Variants in CENPE observed in about 807,000 individuals in gnomAD.
CENPE encodes the protein centromere protein E, also known as centromere-associated protein E.
A neutral mutation model predicts 336.1 loss-of-function variants in CENPE; 145 were observed. The observed-to-expected ratio is 0.43, with a 90% CI of 0.38 to 0.50. The LOEUF (loss-of-function observed/expected upper bound fraction) is 0.50, where lower values mean the gene tolerates loss of function less well. Ranked by LOEUF, CENPE falls within the 20% of genes least tolerant of loss-of-function variation. The pLI, the probability that CENPE is intolerant of heterozygous loss-of-function variation, is 0.00. For missense variants in CENPE, 2,719 were observed against 3,023.3 expected, an observed-to-expected ratio of 0.90 and a Z score of 2.36; for synonymous variants, 1,013 against 984.8, an observed-to-expected ratio of 1.03 and a Z score of -0.54.
chr4:103,160,998 TAATCATTGAA>T (rs1174756513), intron 20 of CENPE, 78 bp downstream of exon 20: 1 of 1,170,522 alleles, frequency 8.5e-7, no homozygotes, highest in Non-Finnish European at 1.2e-6. Context: ...AATGAATTTT[TAATCATTGAA>T]ATATGCTTGT....
chr4:103,124,239 G>A (rs1486873230), intron 42 of CENPE, among the ~76,000 whole-genome samples: 9 of 152,154 alleles, frequency 5.9e-5, no homozygotes, highest in Admixed American at 5.9e-4. Context: ...TGTATATGCT[G>A]AAGTTCATTA....
chr4:103,162,574 ATT>A (rs34476047), intron 18 of CENPE, among the ~76,000 whole-genome samples: 25,197 of 145,840 alleles, frequency 0.17, 2,275 homozygotes, highest in Non-Finnish European at 0.21. Flanking sequence ...AATTTTACTG[ATT>A]TTTTTTTTTT....
chr4:103,109,220 T>G, intron 47 of CENPE, 131 bp from the exon 48 acceptor site: 2 of 759,270 alleles, frequency 2.6e-6, no homozygotes, highest in Non-Finnish European at 3.8e-6. Flanking sequence ...TTTTATCACA[T>G]TTACATTTTA....
At chr4:103,169,235 T>C (rs985316028) in intron 16 of CENPE, among the ~76,000 whole-genome samples, 1 of 146,592 alleles carries the variant, frequency 6.8e-6, no homozygotes, top group African/African-American at 2.5e-5. Flanking sequence ...TTTTAAAATA[T>C]AGAGTCAGGA....
chr4:103,193,425 C>T lies in CENPE; in HGVS notation c.693+804G>A, dbSNP rs1190715528. Among the ~76,000 whole-genome samples the T allele has an allele frequency of 7.2e-5, 11 of 152,008 alleles. No individual in the cohort carries two copies. In the East Asian group the frequency reaches 9.6e-4, roughly 13 times the overall value. On this transcript the variant is annotated intron_variant, in intron 8 of 48. Transcript: ENST00000265148. The stretch of plus-strand genomic sequence containing the variant: ...TTTATAAAATCTGAAAATGAATAAA[C>T]ATATTATAGATTGCTTTTTTCCCTG...
At chr4:103,198,170 C>T in intron 1 of CENPE, 94 bp downstream of exon 1, 1 of 1,236,676 alleles carries the variant, frequency 8.1e-7, no homozygotes, top group South Asian at 1.4e-5. Flanking sequence ...AGCCGGGAAG[C>T]AGCGGCTCCT....
intron 31 of CENPE, 83 bp from the exon 32 acceptor site, chr4:103,145,417 G>A (rs1001197837): frequency 3.2e-5 from 44 of 1,375,428 alleles, no homozygotes; most frequent in Non-Finnish European, 4.0e-5. Context: ...AGAGGAAAAG[G>A]TTGCTTCCCA....
intron 28 of CENPE, 24 bp from the exon 29 acceptor site, chr4:103,147,670 A>G: frequency 6.3e-7 from 1 of 1,582,708 alleles, no homozygotes; most frequent in Non-Finnish European, 8.6e-7. Flanking sequence ...TAAAATACCA[A>G]GGTTACTATC....
chr4:103,137,577 T>C (rs1248991115), intron 39 of CENPE, among the ~76,000 whole-genome samples: 1 of 152,224 alleles, frequency 6.6e-6, no homozygotes, highest in Non-Finnish European at 1.5e-5. Flanking sequence ...TATTGAACAC[T>C]GACTTATGTC....
intron 24 of CENPE, among the ~76,000 whole-genome samples, chr4:103,157,933 G>A (rs1027396532): frequency 6.6e-6 from 1 of 151,842 alleles, no homozygotes; most frequent in Non-Finnish European, 1.5e-5. Context: ...TAGAGGTGTT[G>A]TGGGAAAGTA....
chr4:103,112,422 CTTAT>C, intron 46 of CENPE, among the ~76,000 whole-genome samples: 2 of 97,414 alleles, frequency 2.1e-5, no homozygotes, highest in African/African-American at 7.2e-5. Context: ...TATGTATATA[CTTAT>C]ATACTTATAC....
intron 21 of CENPE, among the ~76,000 whole-genome samples, chr4:103,159,691 T>C (rs955500337): frequency 2.0e-5 from 3 of 151,920 alleles, no homozygotes; most frequent in Non-Finnish European, 4.4e-5. Flanking sequence ...AGGCTTTGAA[T>C]GCCTCTCAGG....
Position 103,116,683 on chromosome 4 carries a change from C to G in CENPE, c.7336G>C (p.Val2446Leu). The G allele has an allele frequency of 1.3e-6, 2 of 1,547,630 alleles. No individual in the cohort carries two copies. Among genetic ancestry groups the G allele is most frequent in the Non-Finnish European group, 1.7e-6 (2 of 1,147,000 alleles). The stretch of plus-strand genomic sequence containing the variant: ...TTATATGGCTTAGCTCCTAAAGCAA[C>G]TTTGTCCTAAATTTTTTTTAGAGAA... ...KETIQVLQDK[V>L]ALGAKPYKEE... The change falls in exon 45 of 49, where the codon GTT becomes CTT. Residue 2446 changes from valine to leucine, a missense_variant. Around this residue, in one of 5 missense-constraint regions of CENPE, gnomAD observed 2,437 missense variants for 2,513.3 expected, o/e 0.97. Coordinates refer to ENST00000265148, the MANE Select transcript of CENPE (RefSeq NM_001813.3).
intron 28 of CENPE, among the ~76,000 whole-genome samples, chr4:103,148,555 T>A (rs1403100155): frequency 6.6e-6 from 1 of 152,242 alleles, no homozygotes; most frequent in African/African-American, 2.4e-5. Flanking sequence ...AATGTTTCAC[T>A]TTCTCCATAG....
intron 42 of CENPE, among the ~76,000 whole-genome samples, chr4:103,130,510 TAAAAG>T (rs1279884864): frequency 1.3e-5 from 2 of 151,862 alleles, no homozygotes; most frequent in Non-Finnish European, 2.9e-5. Context: ...TATAAAAAAA[TAAAAG>T]AATCAAATAA....
In CENPE at chr4:103,194,309, C is replaced by G. The variant is rs2126057665; in HGVS notation, c.628-15G>C. ...CTTTCCAAAATCTAGATAGAAAAGGCAAGCTGTAGAAAAATTAGTGCATTC... is the reference window on the plus strand; with the variant it reads ...CTTTCCAAAATCTAGATAGAAAAGGGAAGCTGTAGAAAAATTAGTGCATTC... On this transcript the variant is annotated splice_polypyrimidine_tract_variant and intron_variant, in intron 7 of 48. Transcript: ENST00000265148. The G allele has an allele frequency of 1.9e-6, 3 of 1,611,806 alleles. No homozygotes were observed. The East Asian group carries it at 6.7e-5, about 36-fold the overall frequency.
intron 39 of CENPE, among the ~76,000 whole-genome samples, chr4:103,137,889 CA>C (rs1233170464): frequency 6.6e-6 from 1 of 152,148 alleles, no homozygotes; most frequent in Admixed American, 6.5e-5. Flanking sequence ...AAAAATTCCC[CA>C]ATGGATCTCC....
intron 13 of CENPE, among the ~76,000 whole-genome samples, chr4:103,179,483 T>C (rs906694485): frequency 6.6e-6 from 1 of 152,250 alleles, no homozygotes; most frequent in Non-Finnish European, 1.5e-5. Context: ...AGGTCTTTCA[T>C]TGGGCTACTT....
At chr4:103,108,376 G>A (rs191280106) in intron 48 of CENPE, among the ~76,000 whole-genome samples, 5 of 152,018 alleles carry the variant, frequency 3.3e-5, no homozygotes, top group East Asian at 1.9e-4. Context: ...CATAGTAGGG[G>A]CTCAAAACAA....
Sources: gnomAD v4.1 joint callset for allele counts (sites outside exome capture counted in the v4.1 genomes callset) on GRCh38, gnomAD v4.1.1 for gene constraint, gnomAD v4.1.1 regional missense constraint, MANE v1.5 for transcripts, NCBI Gene and HGNC (gene_info 2026-07-23, HGNC 2026-07-21) for gene names.